TMEM163: variants seen among roughly 807,000 people sequenced by gnomAD.
TMEM163 encodes the protein transmembrane protein 163.
A neutral mutation model predicts 29.3 loss-of-function variants in TMEM163; 17 were observed. That is an observed-to-expected ratio of 0.58 (90% CI 0.40 to 0.87). The LOEUF (loss-of-function observed/expected upper bound fraction) is 0.87. TMEM163 is among the 40% of genes least tolerant of loss of function. The pLI is 0.00. For synonymous variants in TMEM163, 157 were observed against 160.6 expected, an observed-to-expected ratio of 0.98 and a Z score of 0.17; for missense variants, 303 against 381.5, an observed-to-expected ratio of 0.79 and a Z score of 1.71.
At chr2:134,549,759 C>A (rs1326074071) in intron 4 of TMEM163, among the ~76,000 whole-genome samples, 2 of 152,208 alleles carry the variant, frequency 1.3e-5, no homozygotes, top group Non-Finnish European at 2.9e-5. Flanking sequence ...CTGATACCCA[C>A]ACATACACGT....
intron 2 of TMEM163, among the ~76,000 whole-genome samples, chr2:134,636,017 C>T (rs1046011551): frequency 1.3e-5 from 2 of 152,320 alleles, no homozygotes; most frequent in Non-Finnish European, 1.5e-5. Flanking sequence ...CCTCTCCTGC[C>T]TCATGCATCT....
At chr2:134,550,834 G>T (rs1680902833) in intron 3 of TMEM163, among the ~76,000 whole-genome samples, 173 bp from the exon 4 acceptor site, 1 of 152,208 alleles carries the variant, frequency 6.6e-6, no homozygotes, top group African/African-American at 2.4e-5. Flanking sequence ...GGGGCGTCTG[G>T]AGCTCAGACA....
intron 2 of TMEM163, among the ~76,000 whole-genome samples, chr2:134,564,166 A>G (rs572549569): frequency 6.6e-6 from 1 of 152,366 alleles, no homozygotes; most frequent in Admixed American, 6.5e-5. Flanking sequence ...TCAAAGCTAC[A>G]GTAAATAAAA....
At chr2:134,457,759 G>A (rs563592096) in intron 7 of TMEM163, among the ~76,000 whole-genome samples, 4 of 152,308 alleles carry the variant, frequency 2.6e-5, no homozygotes, top group South Asian at 2.1e-4. Flanking sequence ...GTCAGGACAC[G>A]AAGGGTCCTA....
intron 4 of TMEM163, among the ~76,000 whole-genome samples, chr2:134,522,862 G>C (rs1680215857): frequency 6.6e-6 from 1 of 152,166 alleles, no homozygotes. Context: ...CAAGGGGCGG[G>C]GGGAAAAAGA....
intron 5 of TMEM163, among the ~76,000 whole-genome samples, chr2:134,501,080 T>C (rs1679687189): frequency 1.3e-5 from 2 of 152,214 alleles, no homozygotes; most frequent in Non-Finnish European, 2.9e-5. Flanking sequence ...CTATACATGA[T>C]ATGTATCAAA....
intron 2 of TMEM163, among the ~76,000 whole-genome samples, chr2:134,632,564 A>C (rs894988904): frequency 2.4e-4 from 37 of 152,336 alleles, no homozygotes; most frequent in Middle Eastern, 6.8e-3. Context: ...ATCAAAGTAC[A>C]GCAGATGTGG....
At chr2:134,554,422 C>CAA (rs941286100) in intron 2 of TMEM163, among the ~76,000 whole-genome samples, 557 of 20,902 alleles carry the variant, frequency 0.027, 33 homozygotes, top group Middle Eastern at 0.11. Flanking sequence ...GACCCCATCT[C>CAA]AAAAAAAAAA....
chr2:134,509,569 G>C (rs914172667), intron 4 of TMEM163, among the ~76,000 whole-genome samples: 2 of 152,168 alleles, frequency 1.3e-5, no homozygotes, highest in African/African-American at 4.8e-5. Flanking sequence ...GCTTCACCAG[G>C]GTATCTGCAT....
chr2:134,586,150 T>C (rs1385304933), intron 2 of TMEM163, among the ~76,000 whole-genome samples: 1 of 152,250 alleles, frequency 6.6e-6, no homozygotes, highest in Non-Finnish European at 1.5e-5. Context: ...GTTGGAGAAA[T>C]GGCTGTTTCC....
At position 134,651,487 on chromosome 2, in the gene TMEM163, T is replaced by G. The variant is rs1242255871; in HGVS notation, c.322+61713A>C. Reference sequence around the variant, plus strand: ...AGGTTGCGAAAATTTTCTCCCATTTTGTAGGTTGCCTGTTCACTCTGATGG... The same window carrying G: ...AGGTTGCGAAAATTTTCTCCCATTTGGTAGGTTGCCTGTTCACTCTGATGG... On this transcript the variant is annotated intron_variant, in intron 2 of 7. Transcript: ENST00000281924. 2.8e-5 allele frequency among the ~76,000 whole-genome samples: 3 copies of G among 108,930 alleles called. No individual in the cohort carries two copies. The East Asian group carries it at 7.2e-4, about 26-fold the overall frequency. 71.5% of individuals were successfully genotyped at this position (108,930 alleles called of 152,430 possible).
intron 4 of TMEM163, among the ~76,000 whole-genome samples, chr2:134,544,966 C>T (rs946910052): frequency 1.6e-4 from 25 of 152,154 alleles, no homozygotes; most frequent in Non-Finnish European, 7.4e-5. Context: ...GTGTCCCCTC[C>T]TTCCTCTGTC....
intron 2 of TMEM163, among the ~76,000 whole-genome samples, chr2:134,559,272 A>G (rs1574236995): frequency 6.6e-6 from 1 of 152,188 alleles, no homozygotes; most frequent in African/African-American, 2.4e-5. Flanking sequence ...TGGCCCCGTA[A>G]GGCTTGAGTA....
intron 2 of TMEM163, among the ~76,000 whole-genome samples, chr2:134,631,805 T>A (rs977043693): frequency 6.6e-6 from 1 of 152,256 alleles, no homozygotes; most frequent in African/African-American, 2.4e-5. Flanking sequence ...ATGAGAAGCC[T>A]GTTACATTTC....
At chr2:134,546,303 G>A in intron 4 of TMEM163, among the ~76,000 whole-genome samples, 1 of 152,084 alleles carries the variant, frequency 6.6e-6, no homozygotes. Context: ...TCCATCGATG[G>A]ATGAATGGAT....
At chr2:134,650,628 G>T (rs187370458) in intron 2 of TMEM163, among the ~76,000 whole-genome samples, 1 of 143,720 alleles carries the variant, frequency 7.0e-6, no homozygotes, top group Non-Finnish European at 1.5e-5. Flanking sequence ...GTGCCATGCT[G>T]GTGCGCTGCA....
intron 2 of TMEM163, among the ~76,000 whole-genome samples, chr2:134,627,810 C>A (rs1006863924): frequency 2.0e-5 from 3 of 152,136 alleles, no homozygotes; most frequent in Admixed American, 2.0e-4. Flanking sequence ...TCAAAGAAAT[C>A]TATTGTACCA....
At chr2:134,502,547 T>C (rs1679720096) in intron 5 of TMEM163, among the ~76,000 whole-genome samples, 2 of 152,176 alleles carry the variant, frequency 1.3e-5, no homozygotes, top group African/African-American at 2.4e-5. Flanking sequence ...ACAACGATCA[T>C]TGAATGAACA....
intron 4 of TMEM163, among the ~76,000 whole-genome samples, chr2:134,527,108 CATG>C (rs1680312822): frequency 6.6e-6 from 1 of 152,122 alleles, no homozygotes; most frequent in South Asian, 2.1e-4. Context: ...TTTTCTTTTT[CATG>C]ATAACAGACT....
Sources: allele counts gnomAD v4.1 joint callset (sites outside exome capture counted in the v4.1 genomes callset), GRCh38; gene constraint gnomAD v4.1.1; transcripts MANE v1.5; gene names NCBI Gene and HGNC (gene_info 2026-07-23, HGNC 2026-07-21).